Variants in MKLN1 observed in about 807,000 individuals in gnomAD.
The protein encoded by MKLN1 is muskelin 1.
In MKLN1, 18 loss-of-function variants were observed where a neutral mutation model predicts 99.0. That is an observed-to-expected ratio of 0.18 (90% CI 0.13 to 0.27). The LOEUF is 0.27. Among genes scored for constraint, MKLN1 ranks in the 10% least tolerant of loss-of-function variants. The probability of loss-of-function intolerance (pLI) is 1.00; values close to 1 mark genes in which losing one functional copy is unlikely to be tolerated. For missense variants in MKLN1, 621 were observed against 875.9 expected (o/e 0.71, Z 3.67); for synonymous variants, 288 against 293.2 (o/e 0.98, Z 0.18).
At chr7:131,348,841 C>G (rs909699389) in intron 1 of MKLN1, among the ~76,000 whole-genome samples, 2 of 152,144 alleles carry the variant, frequency 1.3e-5, no homozygotes, top group Non-Finnish European at 2.9e-5. Context: ...GAACACTGAC[C>G]TAGGACTGGG....
At chr7:131,473,200 A>C (rs551712054) in intron 16 of MKLN1, among the ~76,000 whole-genome samples, 9 of 151,584 alleles carry the variant, frequency 5.9e-5, no homozygotes, top group Non-Finnish European at 8.9e-5. Flanking sequence ...TCAGTGAGAC[A>C]TGTAGATCTC....
At chr7:131,391,918 G>T (rs1370535478) in intron 4 of MKLN1, among the ~76,000 whole-genome samples, 1 of 152,178 alleles carries the variant, frequency 6.6e-6, no homozygotes, top group Non-Finnish European at 1.5e-5. Context: ...ATGGGACTTA[G>T]TGTAGAAGGA....
At chr7:131,227,085 A>G (rs1285578620) in intron 3 of MKLN1, among the ~76,000 whole-genome samples, 1 of 152,042 alleles carries the variant, frequency 6.6e-6, no homozygotes, top group African/African-American at 2.4e-5. Flanking sequence ...ATCACTTTTC[A>G]CTATTCCAAC....
intron 1 of MKLN1, among the ~76,000 whole-genome samples, chr7:131,336,093 G>A (rs1288707395): frequency 9.3e-5 from 14 of 150,828 alleles, no homozygotes; most frequent in Non-Finnish European, 2.1e-4. Context: ...TCTCCTTTTA[G>A]TTCTATAAAG....
chr7:131,272,627 G>A (rs1797903307), intron 3 of MKLN1, among the ~76,000 whole-genome samples: 1 of 152,148 alleles, frequency 6.6e-6, no homozygotes, highest in South Asian at 2.1e-4. Flanking sequence ...CTTGAGACTG[G>A]GAAGAAAAAG....
chr7:131,445,899 G>A lies in MKLN1; in HGVS notation c.1521G>A (p.Gly507=), dbSNP rs1361258331. ...CAGATGGCACCAAGAAAGACTCTGG[G>A]ATGGGTAAGGGCATTGAGTGATTTC... ...IISDGTKKDS[G]MVPMTGFTQR... is the part of the protein sequence containing the mutation. Residue 507 remains glycine, a synonymous_variant, in exon 12 of 18, where the codon GGG becomes GGA. Coordinates refer to ENST00000352689, the MANE Select transcript of MKLN1 (RefSeq NM_013255.5). The A allele has an allele frequency of 1.3e-6, 2 of 1,596,040 alleles. No individual in the cohort carries two copies. The highest frequency in any genetic ancestry group is 1.7e-6 in the Non-Finnish European group (2 of 1,168,908).
At chr7:131,399,503 T>C (rs766503427) in intron 6 of MKLN1, 70 bp downstream of exon 6, 85 of 1,283,882 alleles carry the variant, frequency 6.6e-5, no homozygotes, top group Non-Finnish European at 8.7e-5. Flanking sequence ...AAAAATAATA[T>C]AGGCTTATGC....
chr7:131,123,693 C>A (rs907235764), intron 1 of MKLN1, among the ~76,000 whole-genome samples: 1 of 151,718 alleles, frequency 6.6e-6, no homozygotes, highest in African/African-American at 2.4e-5. Context: ...GAGGCTGAGG[C>A]AGGAGAATTG....
intron 3 of MKLN1, among the ~76,000 whole-genome samples, chr7:131,298,373 T>C (rs1798326613): frequency 6.6e-6 from 1 of 152,220 alleles, no homozygotes; most frequent in Non-Finnish European, 1.5e-5. Context: ...TGCATCATAT[T>C]TGTGCCTGGC....
At chr7:131,471,404 A>G (rs1333491334) in intron 16 of MKLN1, among the ~76,000 whole-genome samples, 2 of 152,194 alleles carry the variant, frequency 1.3e-5, no homozygotes, top group Non-Finnish European at 2.9e-5. Flanking sequence ...ATATTTAGTT[A>G]TGTGAATGTT....
At chr7:131,123,806 A>G (rs10236254) in intron 1 of MKLN1, among the ~76,000 whole-genome samples, 76,924 of 151,162 alleles carry the variant, frequency 0.51, 20,959 homozygotes, top group East Asian at 0.79. Context: ...AAAAAAATCT[A>G]CTTCTTACAT....
chr7:131,345,138 G>A (rs1207382653), intron 1 of MKLN1, among the ~76,000 whole-genome samples: 3 of 152,152 alleles, frequency 2.0e-5, no homozygotes, highest in East Asian at 1.9e-4. Context: ...ATGATAGCTC[G>A]TTATGCGATT....
intron 4 of MKLN1, among the ~76,000 whole-genome samples, chr7:131,394,534 G>GC (rs1476438201): frequency 6.6e-6 from 1 of 152,084 alleles, no homozygotes; most frequent in East Asian, 1.9e-4. Flanking sequence ...AGGAGGCAGA[G>GC]CCCAGGCAGT....
intron 1 of MKLN1, among the ~76,000 whole-genome samples, chr7:131,119,232 C>T (rs1390279676): frequency 1.3e-5 from 2 of 152,228 alleles, no homozygotes; most frequent in Non-Finnish European, 2.9e-5. Context: ...GTCCAGAACT[C>T]CAGAGGGCAG....
At chr7:131,324,071 A>C (rs1259034431), upstream of MKLN1, among the ~76,000 whole-genome samples, 1 of 152,152 alleles carries the variant, frequency 6.6e-6, no homozygotes, top group Non-Finnish European at 1.5e-5. Context: ...AACTTGACCC[A>C]AACCCCTGGT....
At chr7:131,177,151 G>A (rs536023597) in intron 2 of MKLN1, among the ~76,000 whole-genome samples, 11 of 152,242 alleles carry the variant, frequency 7.2e-5, no homozygotes, top group African/African-American at 2.6e-4. Context: ...ATATGTGATT[G>A]ATTTTGTAAA....
intron 3 of MKLN1, among the ~76,000 whole-genome samples, chr7:131,229,769 G>A (rs1797214280): frequency 6.6e-6 from 1 of 151,904 alleles, no homozygotes; most frequent in Admixed American, 6.6e-5. Flanking sequence ...GCCCGGGCTG[G>A]TGTCGAACTC....
chr7:131,183,023 C>T (rs930785380), intron 2 of MKLN1, among the ~76,000 whole-genome samples: 5 of 152,154 alleles, frequency 3.3e-5, no homozygotes, highest in Non-Finnish European at 7.3e-5. Context: ...ACTAGGGGAC[C>T]TACCACACAG....
chr7:131,206,978 G>A (rs1346222698), intron 3 of MKLN1, among the ~76,000 whole-genome samples: 1 of 152,174 alleles, frequency 6.6e-6, no homozygotes, highest in Non-Finnish European at 1.5e-5. Flanking sequence ...CGTCTGAGTG[G>A]TACTGTCGAG....
Sources: gnomAD v4.1 joint callset for allele counts (sites outside exome capture counted in the v4.1 genomes callset) on GRCh38, gnomAD v4.1.1 for gene constraint, MANE v1.5 for transcripts, NCBI Gene and HGNC (gene_info 2026-07-23, HGNC 2026-07-21) for gene names.